PCDH15: variants seen among roughly 807,000 people sequenced by gnomAD.
PCDH15 encodes the protein protocadherin related 15, also known as protocadherin-15.
A neutral mutation model predicts 178.5 loss-of-function variants in PCDH15; 129 were observed. That is an observed-to-expected ratio of 0.72 (90% CI 0.63 to 0.84). PCDH15 has a LOEUF of 0.84. Ranked by LOEUF, PCDH15 falls within the 40% of genes least tolerant of loss-of-function variation. The pLI is 0.00. For synonymous variants in PCDH15, 800 were observed against 732.0 expected (o/e 1.09, Z -1.50); for missense variants, 2,230 against 2,099.9 (o/e 1.06, Z -1.21).
intron 2 of PCDH15, chr10:54,585,474 A>G: frequency 5.5e-6 from 1 of 182,542 alleles, no homozygotes; most frequent in South Asian, 9.8e-5. Flanking sequence ...CAATTATTAA[A>G]GCTAACCTTC....
rs749299579 is a variant in PCDH15 at position 53,806,987 on chromosome 10, A to AAT, written c.4813_4814dup (p.Ala1606LeufsTer8). On this transcript the variant is annotated frameshift_variant, in exon 38 of 38. Transcript: ENST00000644397. LOFTEE classifies it high-confidence loss of function. ...TTCTCACCACAGAACCATTCTGTGCAATATATATATTGCCGTTGATATTAC... is the reference window on the plus strand; with the variant it reads ...TTCTCACCACAGAACCATTCTGTGCAATATATATATATTGCCGTTGATATTAC... The AAT allele has an allele frequency of 3.5e-5, 56 of 1,613,564 alleles. No individual in the cohort carries two copies. Among genetic ancestry groups the AAT allele is most frequent in the Middle Eastern group, 1.6e-4 (1 of 6,084 alleles).
intron 2 of PCDH15, among the ~76,000 whole-genome samples, chr10:55,516,178 A>C (rs1323429318): frequency 6.6e-6 from 1 of 152,004 alleles, no homozygotes; most frequent in Non-Finnish European, 1.5e-5. Context: ...GTGGGAGATA[A>C]TTGAATTGTG....
Position 54,315,718 on chromosome 10 carries a change from AG to A in PCDH15, c.876+1552del, listed in dbSNP as rs71007830. ...GTTGATTTTTGGTTATGGTATAAGG[AG>A]GGGGGGGTCCAGCTTCAATCTTCAT... On this transcript the variant is annotated intron_variant, in intron 8 of 37. Coordinates refer to ENST00000644397, the MANE Select transcript of PCDH15 (RefSeq NM_001384140.1). Among the ~76,000 whole-genome samples, 22 of 151,318 alleles carry A rather than the reference AG, an allele frequency of 1.5e-4. No homozygotes were observed. The East Asian group carries it at 2.1e-3, about 15-fold the overall frequency.
chr10:55,086,457 C>A (rs1279865630), intron 2 of PCDH15, among the ~76,000 whole-genome samples: 1 of 152,022 alleles, frequency 6.6e-6, no homozygotes, highest in Middle Eastern at 3.2e-3. Context: ...TAGGTTCCCT[C>A]TTCTGTTTTA....
At chr10:55,068,736 ATTTG>A (rs1841633824) in intron 2 of PCDH15, among the ~76,000 whole-genome samples, 1 of 151,082 alleles carries the variant, frequency 6.6e-6, no homozygotes, top group African/African-American at 2.4e-5. Flanking sequence ...ATGTCTCTCC[ATTTG>A]TTTGTATTCT....
At chr10:54,093,472 T>C (rs2094637059) in intron 15 of PCDH15, among the ~76,000 whole-genome samples, 2 of 152,166 alleles carry the variant, frequency 1.3e-5, no homozygotes, top group Admixed American at 1.3e-4. Flanking sequence ...ATATCATCTT[T>C]CTTTGTCAAT....
rs563519060 is a variant in PCDH15 at position 53,877,202 on chromosome 10, T to C, written c.3502-10345A>G. 2.0e-5 allele frequency among the ~76,000 whole-genome samples: 3 copies of C among 152,262 alleles called. No homozygotes were observed. In the South Asian group the frequency reaches 6.2e-4, roughly 32 times the overall value. ...GTTTTGTAAAATAAATATTACCCTATAAATGGTTTTGCTTTTTCCGTCATT... is the reference window on the plus strand; with the variant it reads ...GTTTTGTAAAATAAATATTACCCTACAAATGGTTTTGCTTTTTCCGTCATT... On this transcript the variant is annotated intron_variant, in intron 26 of 37. Coordinates refer to ENST00000644397, the MANE Select transcript of PCDH15 (RefSeq NM_001384140.1).
intron 1 of PCDH15, among the ~76,000 whole-genome samples, chr10:55,222,343 T>C (rs554360616): frequency 7.2e-5 from 11 of 152,062 alleles, no homozygotes; most frequent in African/African-American, 1.9e-4. Context: ...GTGTATTCCA[T>C]TATCAAAATG....
Position 55,161,221 on chromosome 10 carries a change from C to T in PCDH15, c.-80+5355G>A, listed in dbSNP as rs140741273. Among the ~76,000 whole-genome samples the T allele has an allele frequency of 1.4e-3, 219 of 152,232 alleles. 2 individuals are homozygous for T. The highest frequency in any genetic ancestry group is 6.8e-3 in the Middle Eastern group (2 of 294). Reference sequence around the variant, plus strand: ...GCAAAAAGTTATTCCCTTCTTCATGCCCTCCTCTACTGCTACAAATTTCTC... The same window carrying T: ...GCAAAAAGTTATTCCCTTCTTCATGTCCTCCTCTACTGCTACAAATTTCTC... On this transcript the variant is annotated intron_variant, in intron 2 of 5. Transcript: ENST00000458638.
At chr10:54,204,481 G>C (rs1309128748) in intron 10 of PCDH15, among the ~76,000 whole-genome samples, 1 of 151,938 alleles carries the variant, frequency 6.6e-6, no homozygotes, top group Non-Finnish European at 1.5e-5. Flanking sequence ...GATGTTTGTA[G>C]CATCTTTTTT....
At chr10:54,539,140 T>C (rs1459245497) in intron 2 of PCDH15, among the ~76,000 whole-genome samples, 3 of 152,200 alleles carry the variant, frequency 2.0e-5, no homozygotes, top group Non-Finnish European at 2.9e-5. Flanking sequence ...TTTCAGCTTC[T>C]TGGTTAGACG....
chr10:54,587,888 A>G (rs964432658), intron 2 of PCDH15, among the ~76,000 whole-genome samples: 1 of 152,200 alleles, frequency 6.6e-6, no homozygotes, highest in African/African-American at 2.4e-5. Flanking sequence ...GAAAGAACTG[A>G]CTTTAATTCT....
chr10:54,460,175 G>T (rs181453706), intron 3 of PCDH15, among the ~76,000 whole-genome samples: 38 of 152,102 alleles, frequency 2.5e-4, no homozygotes, highest in Non-Finnish European at 4.3e-4. Flanking sequence ...ATTTCATACT[G>T]AACTCTTTAG....
At chr10:54,142,706 T>G (rs1346394609) in intron 14 of PCDH15, among the ~76,000 whole-genome samples, 3 of 152,124 alleles carry the variant, frequency 2.0e-5, no homozygotes, top group Non-Finnish European at 4.4e-5. Flanking sequence ...GTTTATAAGG[T>G]TTTATTAAAA....
chr10:54,696,581 T>C (rs191435626), intron 1 of PCDH15, among the ~76,000 whole-genome samples: 84 of 152,116 alleles, frequency 5.5e-4, no homozygotes, highest in African/African-American at 1.9e-3. Flanking sequence ...CTGAAATCTA[T>C]GGGGAAATCT....
chr10:55,417,465 C>T (rs1003129344), intron 2 of PCDH15, among the ~76,000 whole-genome samples: 1 of 151,396 alleles, frequency 6.6e-6, no homozygotes, highest in Non-Finnish European at 1.5e-5. Context: ...TTGCTATCTC[C>T]CCTTTTACAG....
At chr10:55,108,096 C>A (rs1779262) in intron 2 of PCDH15, among the ~76,000 whole-genome samples, 55,637 of 151,952 alleles carry the variant, frequency 0.37, 13,903 homozygotes, top group African/African-American at 0.71. Context: ...AAGTGAGAAA[C>A]CAGCCATTTC....
intron 2 of PCDH15, among the ~76,000 whole-genome samples, chr10:54,906,298 AAC>A (rs1163825073): frequency 1.3e-5 from 2 of 152,128 alleles, no homozygotes; most frequent in Admixed American, 6.5e-5. Flanking sequence ...TTTCAAATAC[AAC>A]AGTCTTTAAA....
intron 2 of PCDH15, among the ~76,000 whole-genome samples, chr10:54,908,836 C>T (rs551697627): frequency 6.6e-6 from 1 of 151,486 alleles, no homozygotes; most frequent in South Asian, 2.1e-4. Flanking sequence ...GGCAGGTCAT[C>T]CCAATATGTG....
Sources: gnomAD v4.1 joint callset for allele counts (sites outside exome capture counted in the v4.1 genomes callset) on GRCh38, gnomAD v4.1.1 for gene constraint, MANE v1.5 for transcripts, NCBI Gene and HGNC (gene_info 2026-07-23, HGNC 2026-07-21) for gene names.